IGSF23: variants seen among roughly 807,000 people sequenced by gnomAD.
IGSF23 encodes immunoglobulin superfamily member 23.
A neutral mutation model predicts 17.8 loss-of-function variants in IGSF23; 14 were observed. The ratio of observed to expected loss-of-function variants is 0.79; its 90% CI spans 0.52 to 1.23. The LOEUF is 1.23. IGSF23 is among the 50% of genes most tolerant of loss of function. The pLI, the probability that IGSF23 is intolerant of heterozygous loss-of-function variation, is 0.00. For missense variants in IGSF23, 214 were observed against 241.7 expected, an observed-to-expected ratio of 0.89 and a Z score of 0.76; for synonymous variants, 85 against 92.5, an observed-to-expected ratio of 0.92 and a Z score of 0.46.
intron 3 of IGSF23, among the ~76,000 whole-genome samples, chr19:44,634,812 A>G (rs967056667): frequency 9.5e-5 from 12 of 126,094 alleles, no homozygotes; most frequent in African/African-American, 4.9e-4. Context: ...AAAAAAGAAA[A>G]AAGAAAAAAA....
At position 44,614,084 on chromosome 19, in the gene IGSF23, C is replaced by G; in HGVS notation, c.125+314C>G. On this transcript the variant is annotated intron_variant, in intron 1 of 4. Coordinates refer to ENST00000402988, the MANE Select transcript of IGSF23 (RefSeq NM_001205280.2). Reference sequence around the variant, plus strand: ...AGTCACCCCCACTCAGAGCTTTGACCCTGTCAGTTTGAGGCCCATGCAGCT... The same window carrying G: ...AGTCACCCCCACTCAGAGCTTTGACGCTGTCAGTTTGAGGCCCATGCAGCT... 1.2e-5 allele frequency: 13 copies of G among 1,088,702 alleles called. No individual in the cohort carries two copies. The South Asian group carries it at 1.7e-4, about 14-fold the overall frequency. 67.4% of individuals were successfully genotyped at this position (1,088,702 alleles called of 1,614,324 possible). A position where few individuals can be genotyped will look rare whatever the true frequency, so the allele number is the denominator to read the frequency against.
At chr19:44,623,556 A>G (rs1259458355) in intron 1 of IGSF23, 151 bp from the exon 2 acceptor site, 7 of 831,794 alleles carry the variant, frequency 8.4e-6, no homozygotes, top group African/African-American at 1.7e-5. Context: ...GGCACTGGGC[A>G]CAGACCAGGC....
Position 44,623,895 on chromosome 19 carries a change from A to C in IGSF23, c.314A>C (p.Gln105Pro), listed in dbSNP as rs1486225662. 6.4e-6 allele frequency: 10 copies of C among 1,550,844 alleles called. No homozygotes were observed. Among genetic ancestry groups the C allele is most frequent in the Non-Finnish European group, 8.7e-6 (10 of 1,147,046 alleles). The change falls in exon 2 of 5, where the codon CAG becomes CCG. Residue 105 changes from glutamine to proline, a missense_variant. Physicochemically the swap from Gln to Pro is moderately conservative, Grantham distance 76 (BLOSUM62 -1). Coordinates refer to ENST00000402988, the MANE Select transcript of IGSF23 (RefSeq NM_001205280.2). ...TTCATCCGACGGTTGTCCTGTGAGC[A>C]GCTGGGCACCTACATGTGCATAGCC... Reference protein sequence around the residue: ...KLFIRRLSCEQLGTYMCIATN... With the variant: ...KLFIRRLSCEPLGTYMCIATN...
At chr19:44,619,771 C>T (rs963677302) in intron 1 of IGSF23, among the ~76,000 whole-genome samples, 1 of 152,160 alleles carries the variant, frequency 6.6e-6, no homozygotes, top group African/African-American at 2.4e-5. Context: ...ATAAGGGCAC[C>T]AGTCAGGTTG....
intron 1 of IGSF23, among the ~76,000 whole-genome samples, chr19:44,614,755 C>T (rs1972332407): frequency 6.6e-6 from 1 of 152,034 alleles, no homozygotes; most frequent in African/African-American, 2.4e-5. Context: ...TAAGTGCTTT[C>T]CTATAGTAAC....
intron 4 of IGSF23, 176 bp downstream of exon 4, chr19:44,635,641 G>A: frequency 1.8e-6 from 1 of 554,452 alleles, no homozygotes; most frequent in Non-Finnish European, 3.2e-6. Flanking sequence ...CCAACTGCCA[G>A]CACCCCATCT....
At chr19:44,613,805 T>C (rs763780276) in intron 1 of IGSF23, 35 bp downstream of exon 1, 48 of 1,549,154 alleles carry the variant, frequency 3.1e-5, no homozygotes, top group Admixed American at 1.2e-4. Context: ...GGGTAGGGCA[T>C]GGTCATCGTG....
At chr19:44,627,274 C>G in intron 2 of IGSF23, 146 bp from the exon 3 acceptor site, 1 of 748,334 alleles carries the variant, frequency 1.3e-6, no homozygotes, top group South Asian at 2.1e-5. Flanking sequence ...GGCAGGAGAG[C>G]AGGGAGGAGA....
chr19:44,632,120 G>C (rs1039802615), intron 3 of IGSF23: 2 of 380,200 alleles, frequency 5.3e-6, no homozygotes, highest in Admixed American at 6.7e-5. Context: ...ATTTTTTCTG[G>C]CCAGGTTCAA....
intron 1 of IGSF23, 56 bp downstream of exon 1, chr19:44,613,826 T>C: frequency 6.5e-7 from 1 of 1,548,294 alleles, no homozygotes; most frequent in Non-Finnish European, 8.7e-7. Context: ...AGCAGGGTCC[T>C]GCAGGGTGAG....
At chr19:44,633,960 A>G (rs951542718) in intron 3 of IGSF23, among the ~76,000 whole-genome samples, 4 of 152,234 alleles carry the variant, frequency 2.6e-5, no homozygotes, top group African/African-American at 4.8e-5. Flanking sequence ...ATCTGAATCA[A>G]TGACTCCTGT....
At chr19:44,621,208 G>A (rs1266599985) in intron 1 of IGSF23, among the ~76,000 whole-genome samples, 3 of 151,346 alleles carry the variant, frequency 2.0e-5, no homozygotes, top group Admixed American at 6.6e-5. Context: ...CCTTGAGCCC[G>A]GGAGGTTGAG....
intron 1 of IGSF23, among the ~76,000 whole-genome samples, chr19:44,617,413 AT>A (rs2123714476): frequency 6.6e-6 from 1 of 152,204 alleles, no homozygotes; most frequent in Non-Finnish European, 1.5e-5. Context: ...AAGAAAGTAG[AT>A]TTTATGTGTT....
At chr19:44,635,583 T>C (rs1251523468) in intron 4 of IGSF23, 118 bp downstream of exon 4, 2 of 709,584 alleles carry the variant, frequency 2.8e-6, no homozygotes, top group Non-Finnish European at 4.7e-6. Flanking sequence ...GTCTGTGAGA[T>C]GTTCCCCTCC....
chr19:44,614,362 A>G (rs563491400), intron 1 of IGSF23, among the ~76,000 whole-genome samples: 1 of 152,288 alleles, frequency 6.6e-6, no homozygotes, highest in Non-Finnish European at 1.5e-5. Flanking sequence ...TCATAAAATA[A>G]TAACAGCCGT....
intron 2 of IGSF23, among the ~76,000 whole-genome samples, chr19:44,624,536 T>C (rs960483060): frequency 1.3e-5 from 2 of 151,814 alleles, no homozygotes; most frequent in Non-Finnish European, 2.9e-5. Flanking sequence ...CCACCCACCT[T>C]GGCCTCCCAA....
chr19:44,613,783 G>A lies in IGSF23; in HGVS notation c.125+13G>A. On this transcript the variant is annotated intron_variant, in intron 1 of 4. Transcript: ENST00000402988. ...CAGCCAACTTGGTGTAAGTCATGTG[G>A]GGAAGTGGCCAGGGTAGGGCATGGT... is the stretch of plus-strand genomic sequence containing the variant. 1.3e-6 allele frequency: 2 copies of A among 1,550,356 alleles called. No homozygotes were observed. The highest frequency in any genetic ancestry group is 1.7e-6 in the Non-Finnish European group (2 of 1,146,856).
rs888586832 is a variant in IGSF23, at chr19:44,627,559, C to A, written c.531C>A (p.Ile177=). ...GALIAGMCFI[I]IQSLRTDRQR... ...TGATTGCAGGCATGTGTTTCATCAT[C>A]ATCCAGAGCCTAAGGTACCTCTATC... Residue 177 remains isoleucine, a synonymous_variant, in exon 3 of 5, where the codon ATC becomes ATA. Coordinates refer to ENST00000402988, the MANE Select transcript of IGSF23 (RefSeq NM_001205280.2). 1.3e-6 allele frequency: 2 copies of A among 1,550,288 alleles called. No homozygotes were observed. The highest frequency in any genetic ancestry group is 2.4e-5 in the East Asian group (1 of 40,908).
At chr19:44,617,500 T>C (rs1282020147) in intron 1 of IGSF23, among the ~76,000 whole-genome samples, 2 of 152,198 alleles carry the variant, frequency 1.3e-5, no homozygotes, top group African/African-American at 2.4e-5. Context: ...ACAATGTATA[T>C]GTATTTTAAA....
Sources: gnomAD v4.1 joint callset for allele counts (sites outside exome capture counted in the v4.1 genomes callset) on GRCh38, gnomAD v4.1.1 for gene constraint, MANE v1.5 for transcripts, NCBI Gene and HGNC (gene_info 2026-07-23, HGNC 2026-07-21) for gene names.